Variants in FBXO4 observed in about 807,000 individuals in gnomAD.
FBXO4 encodes F-box protein 4.
FBXO4 carries 36 observed loss-of-function variants against 43.7 expected under a neutral mutation model. That is an observed-to-expected ratio of 0.82 (90% CI 0.63 to 1.09). The LOEUF (loss-of-function observed/expected upper bound fraction) is 1.09. FBXO4 is among the 50% of genes least tolerant of loss of function. The pLI is 0.00. For missense variants in FBXO4, 435 were observed against 474.1 expected, an observed-to-expected ratio of 0.92 and a Z score of 0.77; for synonymous variants, 180 against 165.6, an observed-to-expected ratio of 1.09 and a Z score of -0.67.
chr5:42,017,201 T>C, the FBXO4 span, among the ~76,000 whole-genome samples: 1 of 151,926 alleles, frequency 6.6e-6, no homozygotes, highest in Non-Finnish European at 1.5e-5. Flanking sequence ...AATGTATCTA[T>C]AAAAGCTGTT....
the FBXO4 span, among the ~76,000 whole-genome samples, chr5:41,991,761 T>A: frequency 6.6e-6 from 1 of 152,200 alleles, no homozygotes; most frequent in Non-Finnish European, 1.5e-5. Context: ...TTGATCTTCC[T>A]CAATTTTTTG....
the FBXO4 span, among the ~76,000 whole-genome samples, chr5:42,002,249 G>T: frequency 1.3e-5 from 2 of 152,140 alleles, no homozygotes; most frequent in Non-Finnish European, 2.9e-5. Context: ...AATGATCATA[G>T]TACCTCTTTC....
At chr5:41,947,172 A>C in the FBXO4 span, among the ~76,000 whole-genome samples, 1 of 152,224 alleles carries the variant, frequency 6.6e-6, no homozygotes, top group Non-Finnish European at 1.5e-5. Flanking sequence ...ATAACAAATG[A>C]GACTGGGGCA....
At chr5:42,030,227 C>A in the FBXO4 span, among the ~76,000 whole-genome samples, 7 of 152,054 alleles carry the variant, frequency 4.6e-5, no homozygotes, top group Non-Finnish European at 7.4e-5. Flanking sequence ...CTACAGTAAC[C>A]AAAACAGCAT....
At chr5:42,023,137 C>A in the FBXO4 span, among the ~76,000 whole-genome samples, 1 of 151,934 alleles carries the variant, frequency 6.6e-6, no homozygotes, top group Non-Finnish European at 1.5e-5. Flanking sequence ...TTTCTAGGAC[C>A]GAATACGTGG....
chr5:41,934,811 T>C, intron 5 of FBXO4: 1 of 989,528 alleles, frequency 1.0e-6, no homozygotes, highest in Non-Finnish European at 1.2e-6. Context: ...ACACTATTCA[T>C]ATATTCTGAA....
At chr5:42,021,889 C>T in the FBXO4 span, among the ~76,000 whole-genome samples, 1 of 152,126 alleles carries the variant, frequency 6.6e-6, no homozygotes, top group East Asian at 1.9e-4. Flanking sequence ...AAAATATATG[C>T]TTTAGTATAT....
chr5:41,959,894 A>G, the FBXO4 span, among the ~76,000 whole-genome samples: 2 of 152,126 alleles, frequency 1.3e-5, no homozygotes, highest in Admixed American at 1.3e-4. Context: ...ATTTCTATGA[A>G]AAATGTCATT....
At chr5:41,949,660 A>G in the FBXO4 span, among the ~76,000 whole-genome samples, 1 of 152,230 alleles carries the variant, frequency 6.6e-6, no homozygotes, top group African/African-American at 2.4e-5. Context: ...TACAGATTCA[A>G]TGCTATCCCA....
intron 6 of FBXO4, among the ~76,000 whole-genome samples, chr5:41,940,846 C>T (rs544824954): frequency 6.6e-6 from 1 of 152,270 alleles, no homozygotes; most frequent in South Asian, 2.1e-4. Flanking sequence ...GGATGTCACA[C>T]ATATGACTAA....
intron 3 of FBXO4, among the ~76,000 whole-genome samples, chr5:41,931,707 C>T (rs190911245): frequency 5.3e-5 from 8 of 152,212 alleles, no homozygotes; most frequent in Non-Finnish European, 7.4e-5. Flanking sequence ...GCTAGAAAAT[C>T]GAGATTTGGG....
Position 41,925,414 on chromosome 5 carries a change from G to A in FBXO4, c.105G>A (p.Trp35Ter), listed in dbSNP as rs764724367. The change falls in exon 1 of 7, where the codon TGG becomes TGA. Residue 35 changes from tryptophan to a stop codon, truncating the protein, a stop_gained. Transcript: ENST00000281623. LOFTEE classifies it high-confidence loss of function. ...TCCTCAGCGGCTGGAAGACCTTCTG[G>A]CAGTCAGTGAGCAAGGAGAGGGTGG... ...AAILSGWKTF[W>*]QSVSKERVAR... 218 of 1,384,696 alleles carry A rather than the reference G, an allele frequency of 1.6e-4. No homozygotes were observed. Among genetic ancestry groups the A allele is most frequent in the Non-Finnish European group, 2.0e-4 (210 of 1,063,690 alleles). The allele number at this position is 1,384,696 out of a possible 1,614,324, so 85.8% of individuals were successfully genotyped here. A position where few individuals can be genotyped will look rare whatever the true frequency, so the allele number is the denominator to read the frequency against.
chr5:41,936,024 C>A (rs1751839751), intron 5 of FBXO4, among the ~76,000 whole-genome samples: 1 of 150,948 alleles, frequency 6.6e-6, no homozygotes, highest in African/African-American at 2.4e-5. Context: ...TTTGATTCAG[C>A]CTACTGCATT....
chr5:41,938,490 T>C (rs934337765), intron 5 of FBXO4, among the ~76,000 whole-genome samples: 3 of 152,236 alleles, frequency 2.0e-5, no homozygotes, highest in African/African-American at 7.2e-5. Flanking sequence ...ATAGGATACA[T>C]TTAAATGCAC....
chr5:42,015,641 T>G, the FBXO4 span, among the ~76,000 whole-genome samples: 1 of 152,126 alleles, frequency 6.6e-6, no homozygotes, highest in Non-Finnish European at 1.5e-5. Flanking sequence ...AGAAGAAGAT[T>G]TAACCCTTGA....
chr5:42,017,540 A>G, the FBXO4 span, among the ~76,000 whole-genome samples: 1 of 151,684 alleles, frequency 6.6e-6, no homozygotes, highest in Admixed American at 6.6e-5. Flanking sequence ...TTATCCTGTT[A>G]CTTAGGAATC....
intron 1 of FBXO4, 77 bp from the exon 2 acceptor site, chr5:41,926,936 T>C: frequency 1.3e-6 from 1 of 771,958 alleles, no homozygotes; most frequent in East Asian, 2.5e-5. Flanking sequence ...GTTATTTATT[T>C]GTTGATTATG....
the FBXO4 span, among the ~76,000 whole-genome samples, chr5:41,983,161 T>C: frequency 1.3e-5 from 2 of 152,204 alleles, no homozygotes; most frequent in African/African-American, 2.4e-5. Flanking sequence ...CTATTGTGAA[T>C]AGTACCACAA....
the FBXO4 span, among the ~76,000 whole-genome samples, chr5:41,996,121 G>A: frequency 6.6e-6 from 1 of 152,190 alleles, no homozygotes; most frequent in Non-Finnish European, 1.5e-5. Context: ...AGGGTGGCAG[G>A]AGTGGAGACC....
Sources: gnomAD v4.1 joint callset for allele counts (sites outside exome capture counted in the v4.1 genomes callset) on GRCh38, gnomAD v4.1.1 for gene constraint, MANE v1.5 for transcripts, NCBI Gene and HGNC (gene_info 2026-07-23, HGNC 2026-07-21) for gene names.